The following WDFY4 variants were observed in gnomAD, a reference collection of about 807,000 sequenced individuals.
WDFY4 encodes the protein WDFY family member 4.
A neutral mutation model predicts 351.9 loss-of-function variants in WDFY4; 169 were observed. That is an observed-to-expected ratio of 0.48 (90% confidence interval 0.42 to 0.55). The LOEUF (loss-of-function observed/expected upper bound fraction) is 0.55. Among genes scored for constraint, WDFY4 ranks in the 20% least tolerant of loss-of-function variants. The pLI is 0.00. For synonymous variants in WDFY4, 1,622 were observed against 1,574.6 expected, an observed-to-expected ratio of 1.03 and a Z score of -0.71; for missense variants, 3,803 against 3,935.6, an observed-to-expected ratio of 0.97 and a Z score of 0.90.
At chr10:48,879,129 A>G (rs2070146165) in intron 43 of WDFY4, among the ~76,000 whole-genome samples, 1 of 152,256 alleles carries the variant, frequency 6.6e-6, no homozygotes, top group Admixed American at 6.5e-5. Context: ...GTCCATTGAA[A>G]AAACAGCTAA....
At chr10:48,977,105 A>T in intron 59 of WDFY4, 126 bp downstream of exon 59, 1 of 939,324 alleles carries the variant, frequency 1.1e-6, no homozygotes, top group Non-Finnish European at 1.4e-6. Flanking sequence ...GGGTACCTAC[A>T]GCAAAGGAAG....
chr10:48,798,376 C>T (rs1273480124), intron 24 of WDFY4, among the ~76,000 whole-genome samples: 1 of 151,252 alleles, frequency 6.6e-6, no homozygotes, highest in Non-Finnish European at 1.5e-5. Flanking sequence ...CTAAAACAGA[C>T]AAACGTCTGT....
intron 48 of WDFY4, among the ~76,000 whole-genome samples, chr10:48,942,371 C>T (rs372093092): frequency 1.1e-3 from 25 of 22,068 alleles, no homozygotes; most frequent in African/African-American, 2.0e-3. Context: ...GGGGAATGTG[C>T]GTGTGTGCGT....
At chr10:48,833,666 T>C (rs2068276599) in intron 39 of WDFY4, among the ~76,000 whole-genome samples, 1 of 152,236 alleles carries the variant, frequency 6.6e-6, no homozygotes, top group South Asian at 2.1e-4. Context: ...TGATATATTC[T>C]AATGCCAGTG....
chr10:48,838,589 T>C (rs2068487268), intron 39 of WDFY4, among the ~76,000 whole-genome samples: 1 of 152,160 alleles, frequency 6.6e-6, no homozygotes, highest in South Asian at 2.1e-4. Context: ...TTGTGGAAAT[T>C]CTCAAACATA....
At chr10:48,974,519 A>AAAAAAAAAAAAAAAAAAAAAAAAC (rs1352344126) in intron 57 of WDFY4, among the ~76,000 whole-genome samples, 4 of 49,956 alleles carry the variant, frequency 8.0e-5, no homozygotes, top group African/African-American at 1.4e-4. Context: ...AAAAAAAAAA[A>AAAAAAAAAAAAAAAAAAAAAAAAC]AAAAAAAAAA....
intron 12 of WDFY4, among the ~76,000 whole-genome samples, chr10:48,746,701 A>G (rs1021825158): frequency 1.3e-5 from 2 of 152,018 alleles, no homozygotes; most frequent in Non-Finnish European, 2.9e-5. Flanking sequence ...TGAAATTTAA[A>G]CTCTCTATGA....
At chr10:48,881,114 C>T (rs1223423276) in intron 43 of WDFY4, among the ~76,000 whole-genome samples, 2 of 152,388 alleles carry the variant, frequency 1.3e-5, no homozygotes, top group African/African-American at 4.8e-5. Context: ...CTGTCTGAGA[C>T]TGTGCCCTGT....
intron 43 of WDFY4, 22 bp downstream of exon 43, chr10:48,877,221 G>A (rs201363175): frequency 3.2e-6 from 5 of 1,542,788 alleles, no homozygotes; most frequent in African/African-American, 1.4e-5. Flanking sequence ...CATTGCAATA[G>A]CCTTTAAGAT....
intron 11 of WDFY4, 186 bp downstream of exon 11, chr10:48,736,256 G>C: frequency 1.5e-6 from 1 of 679,878 alleles, no homozygotes; most frequent in Non-Finnish European, 2.6e-6. Context: ...TGGTACATTT[G>C]AAATTTCTTT....
chr10:48,812,269 A>G (rs1282178435), intron 30 of WDFY4, among the ~76,000 whole-genome samples: 2 of 145,378 alleles, frequency 1.4e-5, no homozygotes, highest in Non-Finnish European at 3.0e-5. Context: ...GGCTCACTGC[A>G]ACCGCTGCTT....
chr10:48,686,315 C>CA (rs371080036), intron 1 of WDFY4, among the ~76,000 whole-genome samples: 55,346 of 98,760 alleles, frequency 0.56, 13,897 homozygotes, highest in Middle Eastern at 0.62. Context: ...ACTCCATCTC[C>CA]AAAAAAAAAA....
chr10:48,749,310 T>C (rs1393513863), intron 12 of WDFY4, among the ~76,000 whole-genome samples: 1 of 151,956 alleles, frequency 6.6e-6, no homozygotes, highest in African/African-American at 2.4e-5. Flanking sequence ...CCAAACACAC[T>C]ATATACACAT....
rs568593542 is a variant in WDFY4 at position 48,784,957 on chromosome 10, G to A, written c.3577-1682G>A. On this transcript the variant is annotated intron_variant, in intron 19 of 61. Transcript: ENST00000325239. ...ACTATAAGCTCCGCCTCCTGGGTTCGCGCCATTCTCCTGCCTCAGCCTCCC... is the reference window on the plus strand; with the variant it reads ...ACTATAAGCTCCGCCTCCTGGGTTCACGCCATTCTCCTGCCTCAGCCTCCC... 5.2e-4 allele frequency among the ~76,000 whole-genome samples: 77 copies of A among 147,740 alleles called. No individual in the cohort carries two copies. In the Middle Eastern group the frequency reaches 0.022, roughly 42 times the overall value.
At chr10:48,953,333 T>TCTCTCTCTCTCTCTCTCTCACACA (rs771339557) in intron 51 of WDFY4, among the ~76,000 whole-genome samples, 1 of 128,130 alleles carries the variant, frequency 7.8e-6, no homozygotes, top group Non-Finnish European at 1.6e-5. Flanking sequence ...TCTCTCTCTC[T>TCTCTCTCTCTCTCTCTCTCACACA]CACACACACA....
At chr10:48,882,912 G>A (rs180821396) in intron 43 of WDFY4, among the ~76,000 whole-genome samples, 21 of 152,270 alleles carry the variant, frequency 1.4e-4, no homozygotes, top group Admixed American at 3.3e-4. Flanking sequence ...TTGCAAAGAT[G>A]GCAAAAACAG....
intron 47 of WDFY4, among the ~76,000 whole-genome samples, chr10:48,928,732 C>T (rs1462049857): frequency 6.6e-6 from 1 of 152,196 alleles, no homozygotes; most frequent in African/African-American, 2.4e-5. Flanking sequence ...ACCCCATCTG[C>T]CGCAGGACAG....
At chr10:48,909,484 T>A (rs1358804028) in intron 47 of WDFY4, 2 of 147,682 alleles carry the variant, frequency 1.4e-5, no homozygotes, top group African/African-American at 5.4e-5. Context: ...GCTAGGTAAT[T>A]TATAAAGAAA....
intron 32 of WDFY4, among the ~76,000 whole-genome samples, chr10:48,818,393 A>G (rs1442185582): frequency 6.6e-5 from 10 of 152,206 alleles, no homozygotes; most frequent in Admixed American, 6.5e-4. Context: ...AAGCATACCC[A>G]TGGCGGCAGC....
Sources: allele counts gnomAD v4.1 joint callset (sites outside exome capture counted in the v4.1 genomes callset), GRCh38; gene constraint gnomAD v4.1.1; transcripts MANE v1.5; gene names NCBI Gene and HGNC (gene_info 2026-07-23, HGNC 2026-07-21).